Variants in USP25 observed in about 807,000 individuals in gnomAD.
USP25 encodes the protein ubiquitin specific peptidase 25.
USP25 carries 85 observed loss-of-function variants against 158.5 expected under a neutral mutation model. The observed-to-expected ratio is 0.54, with a 90% CI of 0.45 to 0.64. The LOEUF (loss-of-function observed/expected upper bound fraction) is 0.64, where lower values mean the gene tolerates loss of function less well. Among genes scored for constraint, USP25 ranks in the 30% least tolerant of loss-of-function variants. The pLI, the probability that USP25 is intolerant of heterozygous loss-of-function variation, is 0.00. For missense variants in USP25, 1,242 were observed against 1,327.3 expected (o/e 0.94, Z 1.00); for synonymous variants, 464 against 460.4 (o/e 1.01, Z -0.10).
intron 2 of USP25, among the ~76,000 whole-genome samples, chr21:15,764,564 T>C (rs899084501): frequency 6.6e-6 from 1 of 152,152 alleles, no homozygotes; most frequent in African/African-American, 2.4e-5. Flanking sequence ...TTTGAGAACA[T>C]ATTTTTAGCT....
At chr21:15,845,142 G>A (rs1466157137) in intron 18 of USP25, among the ~76,000 whole-genome samples, 1 of 152,072 alleles carries the variant, frequency 6.6e-6, no homozygotes, top group East Asian at 1.9e-4. Flanking sequence ...TAGCTTAAAA[G>A]GTAAAGGCAC....
At chr21:15,778,434 G>A (rs1402134367) in intron 4 of USP25, among the ~76,000 whole-genome samples, 3 of 152,062 alleles carry the variant, frequency 2.0e-5, no homozygotes, top group Non-Finnish European at 4.4e-5. Flanking sequence ...CAGCTCTGGT[G>A]TCATAACGCA....
intron 20 of USP25, among the ~76,000 whole-genome samples, chr21:15,859,285 C>T (rs1282530190): frequency 6.6e-6 from 1 of 151,616 alleles, no homozygotes; most frequent in Non-Finnish European, 1.5e-5. Context: ...CTCCGCCTCC[C>T]GGGTTCACGC....
In USP25 at chr21:15,844,279, T is replaced by C. The variant is rs2038476160; in HGVS notation, c.2337+1739T>C. Among the ~76,000 whole-genome samples the C allele has an allele frequency of 1.3e-5, 2 of 152,122 alleles. 1 individual carries two copies. Among genetic ancestry groups the C allele is most frequent in the South Asian group, 4.1e-4 (2 of 4,834 alleles). On this transcript the variant is annotated intron_variant, in intron 18 of 25. Coordinates refer to ENST00000400183, the MANE Select transcript of USP25 (RefSeq NM_001283041.3). ...AACTTAGCGTACACTAGAAGCTAAA[T>C]TGCACAGGTGAAAAGTATCTTCAGA...
intron 10 of USP25, among the ~76,000 whole-genome samples, chr21:15,820,290 C>T (rs2037166394): frequency 6.6e-6 from 1 of 151,982 alleles, no homozygotes; most frequent in South Asian, 2.1e-4. Flanking sequence ...TATTGGTAAT[C>T]TTTCTCACAT....
chr21:15,865,009 A>G (rs1278850513), intron 21 of USP25, among the ~76,000 whole-genome samples: 1 of 152,136 alleles, frequency 6.6e-6, no homozygotes, highest in Non-Finnish European at 1.5e-5. Context: ...GTTAAATTAG[A>G]TTCACGCAGA....
chr21:15,842,922 G>T (rs2038408287), intron 18 of USP25, among the ~76,000 whole-genome samples: 1 of 151,892 alleles, frequency 6.6e-6, no homozygotes, highest in Admixed American at 6.6e-5. Context: ...AGACCTAATT[G>T]TCATAATTTC....
intron 8 of USP25, among the ~76,000 whole-genome samples, chr21:15,810,758 C>G (rs1054892462): frequency 6.6e-6 from 1 of 152,148 alleles, no homozygotes; most frequent in Non-Finnish European, 1.5e-5. Flanking sequence ...TTAAAAGTGG[C>G]TTTTCTTCCT....
chr21:15,859,991 A>ATATATATATATATATATATATAT (rs1315516466), intron 20 of USP25, among the ~76,000 whole-genome samples: 1 of 131,140 alleles, frequency 7.6e-6, no homozygotes, highest in African/African-American at 2.9e-5. Flanking sequence ...ATATATCTAT[A>ATATATATATATATATATATATAT]TTTTTTTTTT....
chr21:15,820,313 T>G (rs1171673264), intron 10 of USP25, among the ~76,000 whole-genome samples: 3 of 152,066 alleles, frequency 2.0e-5, no homozygotes, highest in Non-Finnish European at 4.4e-5. Context: ...TCCCAGCTTT[T>G]AAAAATTTTT....
chr21:15,765,042 AG>A (rs1245210248), intron 2 of USP25, among the ~76,000 whole-genome samples: 1 of 152,094 alleles, frequency 6.6e-6, no homozygotes, highest in Non-Finnish European at 1.5e-5. Context: ...TAATACATGG[AG>A]TAAACTTTTT....
chr21:15,742,107 CT>C (rs11339410), intron 1 of USP25, among the ~76,000 whole-genome samples: 21,497 of 140,464 alleles, frequency 0.15, 1,560 homozygotes, highest in Middle Eastern at 0.24. Flanking sequence ...AAGATACTTC[CT>C]TTTTTTTTTT....
intron 14 of USP25, among the ~76,000 whole-genome samples, chr21:15,828,741 C>G (rs1222422428): frequency 6.6e-6 from 1 of 152,112 alleles, no homozygotes; most frequent in Admixed American, 6.5e-5. Context: ...CAGGTTCAAG[C>G]GATTCTCCTG....
At chr21:15,873,927 A>G (rs1168823976) in intron 23 of USP25, among the ~76,000 whole-genome samples, 1 of 148,328 alleles carries the variant, frequency 6.7e-6, no homozygotes, top group Admixed American at 6.7e-5. Context: ...TTTTTTTTAC[A>G]TTTTTCTCAG....
At chr21:15,747,289 A>G (rs976137301) in intron 1 of USP25, among the ~76,000 whole-genome samples, 6 of 152,088 alleles carry the variant, frequency 3.9e-5, no homozygotes, top group Admixed American at 2.0e-4. Context: ...TGAACCATTT[A>G]TAGAGTATAT....
chr21:15,861,715 T>C (rs2039434852), intron 20 of USP25, among the ~76,000 whole-genome samples: 1 of 152,158 alleles, frequency 6.6e-6, no homozygotes, highest in Admixed American at 6.5e-5. Context: ...AAATGTTTTT[T>C]TGTATGTTTG....
chr21:15,785,417 A>G (rs1600903533), intron 4 of USP25, among the ~76,000 whole-genome samples: 1 of 152,324 alleles, frequency 6.6e-6, no homozygotes, highest in South Asian at 2.1e-4. Context: ...ATTCTTTTCA[A>G]CTGTGCATGG....
chr21:15,774,947 TA>T (rs764238334), intron 3 of USP25, among the ~76,000 whole-genome samples: 10 of 152,280 alleles, frequency 6.6e-5, no homozygotes, highest in South Asian at 2.1e-4. Context: ...TGAGTAGTAT[TA>T]TTTTTTTATT....
At chr21:15,830,478 A>G (rs571833601) in intron 14 of USP25, 53 bp from the exon 15 acceptor site, 130 of 1,488,444 alleles carry the variant, frequency 8.7e-5, no homozygotes, top group Admixed American at 3.0e-4. Flanking sequence ...TCCTTATCTT[A>G]TAAGTAGAAA....
Sources: gnomAD v4.1 joint callset for allele counts (sites outside exome capture counted in the v4.1 genomes callset) on GRCh38, gnomAD v4.1.1 for gene constraint, MANE v1.5 for transcripts, NCBI Gene and HGNC (gene_info 2026-07-23, HGNC 2026-07-21) for gene names.